Variants in GAPVD1 observed in about 807,000 individuals in gnomAD.
The protein encoded by GAPVD1 is GTPase-activating protein and VPS9 domain-containing protein 1.
GAPVD1 carries 35 observed loss-of-function variants against 155.5 expected under a neutral mutation model. The ratio of observed to expected loss-of-function variants is 0.23; its 90% CI spans 0.17 to 0.30. The LOEUF (loss-of-function observed/expected upper bound fraction) is 0.30, where lower values mean the gene tolerates loss of function less well. GAPVD1 is among the 10% of genes least tolerant of loss of function. The pLI is 1.00. For missense variants in GAPVD1, 1,429 were observed against 1,775.7 expected, an observed-to-expected ratio of 0.80 and a Z score of 3.51; for synonymous variants, 636 against 619.7, an observed-to-expected ratio of 1.03 and a Z score of -0.39.
intron 25 of GAPVD1, among the ~76,000 whole-genome samples, chr9:125,356,700 G>A (rs923755828): frequency 2.4e-4 from 37 of 151,728 alleles, no homozygotes; most frequent in African/African-American, 9.0e-4. Context: ...TAGACAGAGT[G>A]TCACTCTGCT....
intron 2 of GAPVD1, among the ~76,000 whole-genome samples, chr9:125,280,157 G>A (rs1035524192): frequency 7.9e-5 from 12 of 151,344 alleles, no homozygotes; most frequent in Middle Eastern, 3.4e-3. Flanking sequence ...AGCACTTTGG[G>A]ACTCCAAGGC....
chr9:125,271,840 C>T (rs1203724758), intron 2 of GAPVD1, among the ~76,000 whole-genome samples: 1 of 152,124 alleles, frequency 6.6e-6, no homozygotes, highest in Non-Finnish European at 1.5e-5. Context: ...GCCCTCCTTT[C>T]ACTTTCTAAT....
At chr9:125,346,503 T>A in intron 19 of GAPVD1, 1 of 374,196 alleles carries the variant, frequency 2.7e-6, no homozygotes, top group Non-Finnish European at 5.0e-6. Flanking sequence ...TAGCATGAAT[T>A]GCTGATAACA....
rs773534998 is a variant in GAPVD1 at position 125,355,802 on chromosome 9, C to T, written c.3916C>T (p.Arg1306Trp). The T allele has an allele frequency of 2.1e-5, 34 of 1,613,296 alleles. No individual in the cohort carries two copies. The highest frequency in any genetic ancestry group is 2.7e-5 in the Non-Finnish European group (32 of 1,179,432). The change falls in exon 25 of 28, where the codon CGG (arginine) becomes TGG (tryptophan). Residue 1306 changes from arginine to tryptophan, a missense_variant. This residue lies in a region of GAPVD1 where 102 missense variants were observed against 196.5 expected (regional missense o/e 0.52). Coordinates refer to ENST00000297933, the MANE Select transcript of GAPVD1 (RefSeq NM_001282680.3). ...GGCCATTGAGCGAAGCGTGATGAAC[C>T]GGATTTTCAAGCTCGCCTTCTACCC... is the stretch of plus-strand genomic sequence containing the variant. ...QLAIERSVMNRIFKLAFYPNQ... is the reference protein window; with the variant it reads ...QLAIERSVMNWIFKLAFYPNQ...
intron 21 of GAPVD1, among the ~76,000 whole-genome samples, 173 bp downstream of exon 21, chr9:125,349,692 TG>T (rs2132351600): frequency 6.6e-6 from 1 of 152,166 alleles, no homozygotes; most frequent in South Asian, 2.1e-4. Flanking sequence ...GTATCAAAGG[TG>T]TTAATTCAAG....
At chr9:125,349,306 C>T in intron 20 of GAPVD1, 84 bp from the exon 21 acceptor site, 4 of 1,123,314 alleles carry the variant, frequency 3.6e-6, no homozygotes, top group South Asian at 1.7e-5. Flanking sequence ...GTAATTTATT[C>T]TTGAGTTGCT....
In GAPVD1 at chr9:125,261,869, G is replaced by T; in HGVS notation, c.-289G>T. On this transcript the variant is annotated 5_prime_UTR_variant, in exon 1 of 28. Transcript: ENST00000297933. Reference sequence around the variant, plus strand: ...GAGTGGCGAAGGTGGCGGCAGCGGCGGCGGGGGCAGTCACCGGCTAGGGCG... The same window carrying T: ...GAGTGGCGAAGGTGGCGGCAGCGGCTGCGGGGGCAGTCACCGGCTAGGGCG... The T allele has an allele frequency of 6.5e-6, 1 of 153,922 alleles. No homozygotes were observed. Among genetic ancestry groups the T allele is most frequent in the South Asian group, 2.0e-4 (1 of 5,088 alleles). The allele number at this position is 153,922 out of a possible 1,614,324, so 9.5% of individuals were successfully genotyped here.
At chr9:125,352,616 G>A (rs886727864) in intron 23 of GAPVD1, among the ~76,000 whole-genome samples, 1 of 152,230 alleles carries the variant, frequency 6.6e-6, no homozygotes, top group Non-Finnish European at 1.5e-5. Flanking sequence ...GGCCTGTGAT[G>A]AGAGGGTCTG....
At chr9:125,280,043 G>C (rs1294235246) in intron 2 of GAPVD1, among the ~76,000 whole-genome samples, 1 of 151,258 alleles carries the variant, frequency 6.6e-6, no homozygotes, top group African/African-American at 2.4e-5. Context: ...GATTACAGGC[G>C]TGAGCCGCTG....
At chr9:125,277,553 T>G (rs1158835970) in intron 2 of GAPVD1, among the ~76,000 whole-genome samples, 14 of 152,198 alleles carry the variant, frequency 9.2e-5, no homozygotes, top group Admixed American at 9.2e-4. Context: ...TAAGGTAATA[T>G]GCCCTCCATC....
At chr9:125,312,728 T>G (rs1842835234) in intron 9 of GAPVD1, 116 bp downstream of exon 9, 3 of 696,698 alleles carry the variant, frequency 4.3e-6, no homozygotes, top group East Asian at 5.7e-5. Flanking sequence ...TTCTCACATT[T>G]GTAGAGGCCA....
intron 23 of GAPVD1, among the ~76,000 whole-genome samples, chr9:125,353,949 CA>C (rs1430241339): frequency 6.6e-6 from 1 of 152,216 alleles, no homozygotes; most frequent in Non-Finnish European, 1.5e-5. Context: ...CAATTTACTT[CA>C]GCTTTGCACA....
At position 125,346,866 on chromosome 9, in the gene GAPVD1, A is replaced by G. The variant is rs748673856; in HGVS notation, c.3094A>G (p.Ile1032Val). 1 of 1,613,978 alleles carries G rather than the reference A, an allele frequency of 6.2e-7. No homozygotes were observed. The highest frequency in any genetic ancestry group is 8.5e-7 in the Non-Finnish European group (1 of 1,179,820). ...LSAQAQVAED[I>V]LDKYRNAIKR... ...TGCACAAGCTCAGGTGGCTGAGGAT[A>G]TTCTGGACAAATACAGGAATGCCAT... Residue 1032 changes from isoleucine to valine, a missense_variant, in exon 20 of 28, where the codon ATT (isoleucine) becomes GTT (valine). Around this residue, in one of 4 missense-constraint regions of GAPVD1, gnomAD observed 699 missense variants for 826.0 expected, o/e 0.85. Coordinates refer to ENST00000297933, the MANE Select transcript of GAPVD1 (RefSeq NM_001282680.3).
chr9:125,285,770 C>G (rs529511436), intron 2 of GAPVD1, among the ~76,000 whole-genome samples: 1 of 151,118 alleles, frequency 6.6e-6, no homozygotes, highest in Non-Finnish European at 1.5e-5. Context: ...CCATCTGTTT[C>G]GTTTTTATAG....
intron 17 of GAPVD1, among the ~76,000 whole-genome samples, chr9:125,340,227 G>T (rs769943216): frequency 1.3e-5 from 2 of 152,144 alleles, no homozygotes; most frequent in African/African-American, 4.8e-5. Flanking sequence ...CACCTTGTTG[G>T]CCGGGCTGTT....
chr9:125,270,636 T>C (rs1834739957), intron 2 of GAPVD1, among the ~76,000 whole-genome samples: 1 of 152,026 alleles, frequency 6.6e-6, no homozygotes, highest in African/African-American at 2.4e-5. Flanking sequence ...TTCTAATATT[T>C]AATATATATA....
In GAPVD1 at chr9:125,365,969, G is replaced by C. The variant is rs547378319; in HGVS notation, c.*3223G>C. On this transcript the variant is annotated 3_prime_UTR_variant, in exon 28 of 28. Transcript: ENST00000297933. ...ATTATATGTATATATATTTAAACGT[G>C]TCAAACATTTTGCTTTCTTTCTCCA... 1.3e-5 allele frequency: 2 copies of C among 152,334 alleles called. No homozygotes were observed. The highest frequency in any genetic ancestry group is 6.5e-5 in the Admixed American group (1 of 15,304). 9.4% of individuals were successfully genotyped at this position (152,334 alleles called of 1,614,324 possible).
intron 6 of GAPVD1, among the ~76,000 whole-genome samples, chr9:125,305,648 C>T (rs1003534169): frequency 1.3e-5 from 2 of 151,900 alleles, no homozygotes; most frequent in African/African-American, 2.4e-5. Context: ...GGATTACAGG[C>T]GTGAGCCACC....
rs751800017 is a variant in GAPVD1, at chr9:125,354,678, T to C, written c.3594T>C (p.Tyr1198=). The change falls in exon 24 of 28, where the codon TAT becomes TAC. Residue 1198 remains tyrosine, a synonymous_variant. Transcript: ENST00000297933. ...GAAAAAGAGCCCCATATATTGCTTA[T>C]CTCACTCGTTGTCGACAAGGACTAC... ...DYRKRAPYIA[Y]LTRCRQGLQT... 4 of 1,613,124 alleles carry C rather than the reference T, an allele frequency of 2.5e-6. No individual in the cohort carries two copies. In the African/African-American group the frequency reaches 4.0e-5, roughly 16 times the overall value.
Sources: gnomAD v4.1 joint callset for allele counts (sites outside exome capture counted in the v4.1 genomes callset) on GRCh38, gnomAD v4.1.1 for gene constraint, gnomAD v4.1.1 regional missense constraint, MANE v1.5 for transcripts, NCBI Gene and HGNC (gene_info 2026-07-23, HGNC 2026-07-21) for gene names.